Variants in PALLD observed in about 807,000 individuals in gnomAD.
PALLD encodes the protein palladin.
In PALLD, 61 loss-of-function variants were observed where a neutral mutation model predicts 123.5. The ratio of observed to expected loss-of-function variants is 0.49; its 90% CI spans 0.40 to 0.61. PALLD has a LOEUF of 0.61. Ranked by LOEUF, PALLD falls within the 20% of genes least tolerant of loss-of-function variation. The pLI, the probability that PALLD is intolerant of heterozygous loss-of-function variation, is 0.00. For synonymous variants in PALLD, 465 were observed against 496.4 expected, an observed-to-expected ratio of 0.94 and a Z score of 0.84; for missense variants, 1,273 against 1,377.0, an observed-to-expected ratio of 0.92 and a Z score of 1.20.
At chr4:168,586,449 A>G (rs373527645) in intron 2 of PALLD, among the ~76,000 whole-genome samples, 46 of 152,278 alleles carry the variant, frequency 3.0e-4, no homozygotes, top group African/African-American at 1.1e-3. Flanking sequence ...GCTGGACCCA[A>G]TTCGTTTTGC....
chr4:168,924,271 A>C lies in PALLD; in HGVS notation c.3075A>C (p.Lys1025Asn), dbSNP rs1762156940. Residue 1025 changes from lysine to asparagine, a missense_variant, in exon 19 of 22, where the codon AAA becomes AAC. Physicochemically the swap from Lys to Asn is moderately conservative, Grantham distance 94. Around this residue, in one of 2 missense-constraint regions of PALLD, gnomAD observed 329 missense variants for 422.5 expected, o/e 0.78. Coordinates refer to ENST00000505667, the MANE Select transcript of PALLD (RefSeq NM_001166108.2). Reference sequence around the variant, plus strand: ...TTTTCTTAGCTAAAGAAGCACACAAACCCCCTGTGTTTATTGAGAAGCTCC... The same window carrying C: ...TTTTCTTAGCTAAAGAAGCACACAACCCCCCTGTGTTTATTGAGAAGCTCC... ...ELVVAAKEAH[K>N]PPVFIEKLQN... is the part of the protein sequence containing the mutation. 1 of 1,613,660 alleles carries C rather than the reference A, an allele frequency of 6.2e-7. No homozygotes were observed. The highest frequency in any genetic ancestry group is 1.3e-5 in the African/African-American group (1 of 74,818).
At chr4:168,820,404 A>G (rs1742553019) in intron 10 of PALLD, among the ~76,000 whole-genome samples, 1 of 152,228 alleles carries the variant, frequency 6.6e-6, no homozygotes, top group African/African-American at 2.4e-5. Flanking sequence ...ACTAGTAACA[A>G]TTAAGCCTAT....
intron 10 of PALLD, among the ~76,000 whole-genome samples, chr4:168,881,908 G>C (rs759759761): frequency 9.9e-5 from 15 of 152,134 alleles, no homozygotes; most frequent in Non-Finnish European, 1.8e-4. Context: ...GCTGGTCTCT[G>C]AGTGGCCATA....
chr4:168,867,528 T>C (rs910343618), intron 10 of PALLD, among the ~76,000 whole-genome samples: 1 of 152,208 alleles, frequency 6.6e-6, no homozygotes, highest in Non-Finnish European at 1.5e-5. Flanking sequence ...TCAAATAGTA[T>C]AGAAGAGTAT....
intron 2 of PALLD, among the ~76,000 whole-genome samples, chr4:168,566,839 G>GT (rs1241385237): frequency 6.6e-6 from 1 of 152,120 alleles, no homozygotes; most frequent in Non-Finnish European, 1.5e-5. Flanking sequence ...TTATTTGTGT[G>GT]TTTTTCATGA....
Position 168,526,571 on chromosome 4 carries a change from C to T in PALLD, c.908+14159C>T, listed in dbSNP as rs563734980. Reference sequence around the variant, plus strand: ...GCCTCACTTTCTTCCAGGAGGTCTTCGTATCCTCAGGTAGGTCTACAGAAA... The same window carrying T: ...GCCTCACTTTCTTCCAGGAGGTCTTTGTATCCTCAGGTAGGTCTACAGAAA... On this transcript the variant is annotated intron_variant, in intron 2 of 21. Transcript: ENST00000505667. 2.0e-4 allele frequency among the ~76,000 whole-genome samples: 31 copies of T among 152,224 alleles called. 1 individual carries two copies. In the South Asian group the frequency reaches 6.0e-3, roughly 30 times the overall value.
In PALLD at chr4:168,790,842, T is replaced by C. The variant is rs374658718; in HGVS notation, c.1964+78919T>C. The stretch of plus-strand genomic sequence containing the variant: ...ATGTTAATTTCAGAAAAGTATTCCA[T>C]TGTGATTTTGAGATTGATTTAAAAT... On this transcript the variant is annotated intron_variant, in intron 10 of 21. Transcript: ENST00000505667. Among the ~76,000 whole-genome samples, 19 of 152,318 alleles carry C rather than the reference T, an allele frequency of 1.2e-4. 1 individual carries two copies. In the South Asian group the frequency reaches 1.5e-3, roughly 12 times the overall value.
intron 2 of PALLD, among the ~76,000 whole-genome samples, chr4:168,575,181 T>A (rs1356768672): frequency 6.6e-6 from 1 of 152,104 alleles, no homozygotes; most frequent in Non-Finnish European, 1.5e-5. Flanking sequence ...TATAAAACCG[T>A]AGATAACTTG....
intron 2 of PALLD, among the ~76,000 whole-genome samples, chr4:168,658,656 C>G (rs1019870234): frequency 2.0e-5 from 3 of 151,640 alleles, no homozygotes; most frequent in African/African-American, 7.3e-5. Flanking sequence ...AGCTACCTCT[C>G]ATGGTCAAAA....
chr4:168,888,015 G>C (rs1274739578), intron 10 of PALLD, among the ~76,000 whole-genome samples: 2 of 152,058 alleles, frequency 1.3e-5, no homozygotes, highest in Non-Finnish European at 2.9e-5. Flanking sequence ...GCTTAGTCAG[G>C]GACATCCTTT....
At chr4:168,719,255 T>C (rs1185147379) in intron 10 of PALLD, among the ~76,000 whole-genome samples, 3 of 133,840 alleles carry the variant, frequency 2.2e-5, no homozygotes, top group Admixed American at 2.2e-4. Flanking sequence ...TAATCTTCTT[T>C]TTTTTTTTTT....
At chr4:168,543,888 T>C (rs1027347511) in intron 2 of PALLD, among the ~76,000 whole-genome samples, 12 of 152,234 alleles carry the variant, frequency 7.9e-5, no homozygotes, top group African/African-American at 2.9e-4. Flanking sequence ...CTAGTTTTGC[T>C]CACTCATTAA....
chr4:168,691,383 A>C lies in PALLD; in HGVS notation c.1501+91A>C, dbSNP rs28493167. 420 of 1,019,874 alleles carry C rather than the reference A, an allele frequency of 4.1e-4. No individual in the cohort carries two copies. The African/African-American group carries it at 6.0e-3, about 15-fold the overall frequency. 63.2% of individuals were successfully genotyped at this position (1,019,874 alleles called of 1,614,324 possible). A position where few individuals can be genotyped will look rare whatever the true frequency, so the allele number is the denominator to read the frequency against. Reference sequence around the variant, plus strand: ...CAATAGTTCTTTCTTTCTACCTTAAAGCCGTAAGCAGAACAATGTTTTTGT... The same window carrying C: ...CAATAGTTCTTTCTTTCTACCTTAACGCCGTAAGCAGAACAATGTTTTTGT... On this transcript the variant is annotated intron_variant, in intron 8 of 21. Transcript: ENST00000505667.
At chr4:168,671,244 T>C (rs1458922284) in intron 3 of PALLD, among the ~76,000 whole-genome samples, 1 of 152,192 alleles carries the variant, frequency 6.6e-6, no homozygotes, top group Non-Finnish European at 1.5e-5. Context: ...CTTTAACTTT[T>C]AATGTGGTTC....
chr4:168,570,479 C>A lies in PALLD; in HGVS notation c.908+58067C>A, dbSNP rs562979265. ...TGCTTAATTGAGTACAGCAGGTTAACAAAAGTGCCAATGTTCCTTTAAAAC... is the reference window on the plus strand; with the variant it reads ...TGCTTAATTGAGTACAGCAGGTTAAAAAAAGTGCCAATGTTCCTTTAAAAC... On this transcript the variant is annotated intron_variant, in intron 2 of 21. Transcript: ENST00000505667. Among the ~76,000 whole-genome samples the A allele has an allele frequency of 2.6e-5, 4 of 152,254 alleles. No homozygotes were observed. In the East Asian group the frequency reaches 7.7e-4, roughly 29 times the overall value.
At chr4:168,809,210 TG>T (rs751895346) in intron 10 of PALLD, among the ~76,000 whole-genome samples, 2 of 152,212 alleles carry the variant, frequency 1.3e-5, no homozygotes, top group East Asian at 1.9e-4. Context: ...CCATGAAAAC[TG>T]AAGCTCATTC....
chr4:168,837,652 A>G (rs1417897996), intron 10 of PALLD, among the ~76,000 whole-genome samples: 2 of 152,352 alleles, frequency 1.3e-5, no homozygotes, highest in East Asian at 1.9e-4. Flanking sequence ...AGTGAGTACT[A>G]TCAGCACTCC....
intron 2 of PALLD, among the ~76,000 whole-genome samples, chr4:168,626,714 G>GAAA (rs767084915): frequency 2.0e-5 from 2 of 100,390 alleles, no homozygotes; most frequent in Non-Finnish European, 2.1e-5. Context: ...CTGCCTCCAG[G>GAAA]AAAAAAAAAA....
intron 10 of PALLD, among the ~76,000 whole-genome samples, chr4:168,841,489 G>A (rs1235357545): frequency 2.0e-5 from 3 of 152,226 alleles, no homozygotes; most frequent in African/African-American, 7.2e-5. Flanking sequence ...CTTACTGAGG[G>A]AACCACACAG....
Sources: gnomAD v4.1 joint callset for allele counts (sites outside exome capture counted in the v4.1 genomes callset) on GRCh38, gnomAD v4.1.1 for gene constraint, gnomAD v4.1.1 regional missense constraint, MANE v1.5 for transcripts, NCBI Gene and HGNC (gene_info 2026-07-23, HGNC 2026-07-21) for gene names.